TTLL5: variants seen among roughly 807,000 people sequenced by gnomAD.
The protein encoded by TTLL5 is tubulin polyglutamylase TTLL5.
A neutral mutation model predicts 168.4 loss-of-function variants in TTLL5; 132 were observed. That is an observed-to-expected ratio of 0.78 (90% CI 0.68 to 0.91). The LOEUF is 0.91. TTLL5 is among the 40% of genes least tolerant of loss of function. The pLI, the probability that TTLL5 is intolerant of heterozygous loss-of-function variation, is 0.00. For missense variants in TTLL5, 1,545 were observed against 1,581.5 expected, an observed-to-expected ratio of 0.98 and a Z score of 0.39; for synonymous variants, 546 against 558.6, an observed-to-expected ratio of 0.98 and a Z score of 0.32.
intron 31 of TTLL5, among the ~76,000 whole-genome samples, chr14:75,946,009 G>A (rs995029362): frequency 3.3e-5 from 5 of 152,208 alleles, no homozygotes; most frequent in Non-Finnish European, 7.3e-5. Context: ...TTTCATGAAT[G>A]AGGATGAAAC....
chr14:75,686,154 CA>C (rs1885030337), intron 5 of TTLL5, among the ~76,000 whole-genome samples: 1 of 152,108 alleles, frequency 6.6e-6, no homozygotes, highest in East Asian at 1.9e-4. Flanking sequence ...TAATGATTAC[CA>C]CAAAGGTTCT....
chr14:75,906,376 C>A (rs1489974974), intron 31 of TTLL5, among the ~76,000 whole-genome samples: 1 of 152,128 alleles, frequency 6.6e-6, no homozygotes, highest in Non-Finnish European at 1.5e-5. Context: ...GGGTTGATCA[C>A]CCACTTTTAC....
chr14:75,876,914 A>C (rs75077711), intron 29 of TTLL5, among the ~76,000 whole-genome samples: 2,368 of 152,326 alleles, frequency 0.016, 82 homozygotes, highest in African/African-American at 0.054. Flanking sequence ...GCCTGATTCT[A>C]GGAAGGTGAG....
intron 30 of TTLL5, among the ~76,000 whole-genome samples, chr14:75,888,076 A>G (rs1220523743): frequency 1.3e-5 from 2 of 152,234 alleles, no homozygotes; most frequent in African/African-American, 2.4e-5. Context: ...GCCTGAGGGT[A>G]GAAAGGACAT....
At chr14:75,725,335 T>A (rs143967950) in intron 12 of TTLL5, among the ~76,000 whole-genome samples, 32 of 152,364 alleles carry the variant, frequency 2.1e-4, no homozygotes, top group African/African-American at 7.7e-4. Flanking sequence ...CTTTTTGAGA[T>A]AATCTCCTTT....
intron 27 of TTLL5, among the ~76,000 whole-genome samples, chr14:75,809,448 A>G (rs1263837919): frequency 4.6e-5 from 7 of 152,224 alleles, no homozygotes; most frequent in Admixed American, 4.6e-4. Flanking sequence ...TTATTCATAT[A>G]TCACAGTGTT....
chr14:75,793,038 G>T lies in TTLL5; in HGVS notation c.3109G>T (p.Ala1037Ser). 1 of 1,613,654 alleles carries T rather than the reference G, an allele frequency of 6.2e-7. No homozygotes were observed. Among genetic ancestry groups the T allele is most frequent in the Non-Finnish European group, 8.5e-7 (1 of 1,179,750 alleles). ...GGTTACAGCTGAACTTCAGCGGCTA[G>T]CTGAGAAGCAGGCAGCGAGACAGTA... ...SMVTAELQRL[A>S]EKQAARQYSP... The change falls in exon 27 of 32, where the codon GCT (alanine) becomes TCT (serine). Residue 1037 changes from alanine to serine, a missense_variant. Transcript: ENST00000298832.
At chr14:75,777,663 C>T (rs1037043450) in intron 23 of TTLL5, among the ~76,000 whole-genome samples, 3 of 151,936 alleles carry the variant, frequency 2.0e-5, no homozygotes, top group African/African-American at 7.3e-5. Flanking sequence ...ACAGTAAGCC[C>T]CATTACTTAG....
rs189200432 is a variant in TTLL5 at position 75,893,557 on chromosome 14, G to T, written c.3741-8585G>T. 5.8e-4 allele frequency among the ~76,000 whole-genome samples: 89 copies of T among 152,268 alleles called. No homozygotes were observed. The East Asian group carries it at 0.014, about 24-fold the overall frequency. ...AAGGCGGCTGGGCACAGTGGCTCAC[G>T]CCTGTAATCCCAGCACTTTGGGAGG... is the stretch of plus-strand genomic sequence containing the variant. On this transcript the variant is annotated intron_variant, in intron 30 of 31. Transcript: ENST00000298832.
At chr14:75,812,857 A>G (rs910513544) in intron 27 of TTLL5, among the ~76,000 whole-genome samples, 19 of 152,062 alleles carry the variant, frequency 1.2e-4, no homozygotes, top group Middle Eastern at 3.2e-3. Context: ...GGTTCAGTGC[A>G]GCTGGGGCTG....
intron 10 of TTLL5, among the ~76,000 whole-genome samples, chr14:75,719,178 C>T (rs1407350985): frequency 6.6e-6 from 1 of 152,162 alleles, no homozygotes; most frequent in Non-Finnish European, 1.5e-5. Context: ...AGTGCACTCT[C>T]CCTTCAGTGT....
intron 6 of TTLL5, among the ~76,000 whole-genome samples, chr14:75,694,515 G>A (rs1044531210): frequency 1.3e-5 from 2 of 152,018 alleles, no homozygotes; most frequent in South Asian, 4.2e-4. Flanking sequence ...TGTGTTTTTA[G>A]TAGAGATGGG....
rs1259924037 is a variant in TTLL5, at chr14:75,731,366, CACAT to C, written c.1043-964_1043-961del. On this transcript the variant is annotated intron_variant, in intron 12 of 31. Transcript: ENST00000298832. ...ATATATAGATATAGCTATAAATATACACATACATACACACACACACACACACACA... is the reference window on the plus strand; with the variant it reads ...ATATATAGATATAGCTATAAATATACACATACACACACACACACACACACA... Among the ~76,000 whole-genome samples the C allele has an allele frequency of 9.5e-4, 97 of 102,062 alleles. 1 individual carries two copies. The highest frequency in any genetic ancestry group is 3.4e-3 in the African/African-American group (87 of 25,522). 67.0% of individuals were successfully genotyped at this position (102,062 alleles called of 152,430 possible). A position where few individuals can be genotyped will look rare whatever the true frequency, so the allele number is the denominator to read the frequency against.
chr14:75,936,427 C>T (rs1298584640), intron 31 of TTLL5, among the ~76,000 whole-genome samples: 1 of 152,204 alleles, frequency 6.6e-6, no homozygotes, highest in Non-Finnish European at 1.5e-5. Context: ...CCCTCCCTCT[C>T]TGCTTCACGT....
At chr14:75,716,602 C>CTT (rs908608509) in intron 9 of TTLL5, among the ~76,000 whole-genome samples, 11 of 148,436 alleles carry the variant, frequency 7.4e-5, no homozygotes, top group African/African-American at 2.7e-4. Flanking sequence ...TTGTGGCCTT[C>CTT]TTTTTTTTTT....
chr14:75,793,754 T>G (rs1054814090), intron 27 of TTLL5, among the ~76,000 whole-genome samples: 1 of 152,244 alleles, frequency 6.6e-6, no homozygotes, highest in Non-Finnish European at 1.5e-5. Context: ...AAGAGCTTTG[T>G]GAATTCTCTT....
chr14:75,689,448 G>C (rs1184529113), intron 5 of TTLL5: 4 of 152,182 alleles, frequency 2.6e-5, no homozygotes, highest in African/African-American at 9.7e-5. Flanking sequence ...ACAACTTACT[G>C]AACAACCAAG....
intron 13 of TTLL5, among the ~76,000 whole-genome samples, chr14:75,733,393 G>C (rs554299828): frequency 2.6e-5 from 4 of 152,086 alleles, no homozygotes; most frequent in Non-Finnish European, 5.9e-5. Flanking sequence ...GCTTTTGGTC[G>C]ATGTTGTTTT....
intron 3 of TTLL5, among the ~76,000 whole-genome samples, chr14:75,675,249 G>T (rs1191087021): frequency 6.6e-6 from 1 of 152,088 alleles, no homozygotes; most frequent in East Asian, 1.9e-4. Context: ...TGATACTAGG[G>T]CACAGCTACA....
Sources: allele counts gnomAD v4.1 joint callset (sites outside exome capture counted in the v4.1 genomes callset), GRCh38; gene constraint gnomAD v4.1.1; transcripts MANE v1.5; gene names NCBI Gene and HGNC (gene_info 2026-07-23, HGNC 2026-07-21).